LRP1B: variants seen among roughly 807,000 people sequenced by gnomAD.
LRP1B encodes low-density lipoprotein receptor-related protein 1B.
In LRP1B, 217 loss-of-function variants were observed where a neutral mutation model predicts 556.6. That is an observed-to-expected ratio of 0.39 (90% confidence interval 0.35 to 0.44). The LOEUF (loss-of-function observed/expected upper bound fraction) is 0.44. Ranked by LOEUF, LRP1B falls within the 20% of genes least tolerant of loss-of-function variation. LRP1B has a pLI of 1.00. For missense variants in LRP1B, 5,053 were observed against 5,620.8 expected, an observed-to-expected ratio of 0.90 and a Z score of 3.23; for synonymous variants, 2,047 against 1,865.8, an observed-to-expected ratio of 1.10 and a Z score of -2.50.
At chr2:141,021,418 T>C (rs1698060660) in intron 11 of LRP1B, among the ~76,000 whole-genome samples, 1 of 152,028 alleles carries the variant, frequency 6.6e-6, no homozygotes, top group South Asian at 2.1e-4. Flanking sequence ...AGCTATCTGC[T>C]TCATTACCAT....
intron 3 of LRP1B, among the ~76,000 whole-genome samples, chr2:141,373,566 T>C (rs1689314096): frequency 6.6e-6 from 1 of 151,302 alleles, no homozygotes; most frequent in South Asian, 2.1e-4. Context: ...ATCCTTTTAA[T>C]AAATTGATCC....
At chr2:141,586,223 C>T (rs1479969173) in intron 2 of LRP1B, among the ~76,000 whole-genome samples, 1 of 152,038 alleles carries the variant, frequency 6.6e-6, no homozygotes, top group Admixed American at 6.6e-5. Flanking sequence ...TTTCATAGTG[C>T]AAACATATAT....
chr2:140,479,218 C>CT (rs892617744), intron 59 of LRP1B, among the ~76,000 whole-genome samples: 3 of 151,488 alleles, frequency 2.0e-5, no homozygotes, highest in Admixed American at 6.6e-5. Flanking sequence ...TATTGCTATA[C>CT]TTTTTTTTTC....
chr2:140,794,971 T>A (rs1690254003), intron 32 of LRP1B, among the ~76,000 whole-genome samples: 1 of 152,222 alleles, frequency 6.6e-6, no homozygotes. Context: ...AATGGAACTA[T>A]AAGAAATAGT....
intron 2 of LRP1B, among the ~76,000 whole-genome samples, chr2:141,619,703 G>A (rs769622913): frequency 1.2e-4 from 18 of 152,222 alleles, no homozygotes; most frequent in African/African-American, 2.9e-4. Context: ...AAACAGCAAC[G>A]TCTCTTTAGA....
intron 82 of LRP1B, among the ~76,000 whole-genome samples, chr2:140,316,735 GA>G (rs113572937): frequency 5.6e-4 from 85 of 151,422 alleles, no homozygotes; most frequent in African/African-American, 1.6e-3. Flanking sequence ...TAAGAAATGG[GA>G]AAAAAAATAT....
intron 59 of LRP1B, among the ~76,000 whole-genome samples, chr2:140,481,452 C>T (rs1017309528): frequency 6.6e-6 from 1 of 151,928 alleles, no homozygotes; most frequent in Non-Finnish European, 1.5e-5. Context: ...CCTATCTAAA[C>T]TATAAGGAAA....
intron 49 of LRP1B, among the ~76,000 whole-genome samples, chr2:140,518,148 TATTTTAAGATAA>T (rs1275466106): frequency 6.6e-6 from 1 of 152,204 alleles, no homozygotes; most frequent in East Asian, 1.9e-4. Flanking sequence ...CTATTATGGC[TATTTTAAGATAA>T]CAAAAATTGT....
rs55884730 is a variant in LRP1B at position 140,672,482 on chromosome 2, T to TAAAAA, written c.6799+27763_6799+27767dup. 6.4e-3 allele frequency among the ~76,000 whole-genome samples: 525 copies of TAAAAA among 81,560 alleles called. 22 individuals carry two copies. The East Asian group carries it at 0.11, about 17-fold the overall frequency. The allele number at this position is 81,560 out of a possible 152,430, so 53.5% of individuals were successfully genotyped here. Reference sequence around the variant, plus strand: ...CTGGGTGACAGAATGAGACTCCATCTAAAAAAAAAAAAAAAAAAAAAAAAA... The same window carrying TAAAAA: ...CTGGGTGACAGAATGAGACTCCATCTAAAAAAAAAAAAAAAAAAAAAAAAAAAAAA... On this transcript the variant is annotated intron_variant, in intron 41 of 90. Transcript: ENST00000389484.
chr2:141,936,054 G>T (rs564898403), intron 1 of LRP1B, among the ~76,000 whole-genome samples: 1 of 152,048 alleles, frequency 6.6e-6, no homozygotes, highest in Non-Finnish European at 1.5e-5. Context: ...AGCAAAAAAA[G>T]GAGTGGAAAG....
Position 141,890,327 on chromosome 2 carries a change from T to TATATATATAC in LRP1B, c.83-79927_83-79926insGTATATATAT, listed in dbSNP as rs1553480457. Reference sequence around the variant, plus strand: ...GTCACAGGTAAGGGCACAATACATATATATATATATATATATATATATATG... The same window carrying TATATATATAC: ...GTCACAGGTAAGGGCACAATACATATATATATATACATATATATATATATATATATATATG... On this transcript the variant is annotated intron_variant, in intron 1 of 90. Coordinates refer to ENST00000389484, the MANE Select transcript of LRP1B (RefSeq NM_018557.3). Among the ~76,000 whole-genome samples, 12 of 47,580 alleles carry TATATATATAC rather than the reference T, an allele frequency of 2.5e-4. 1 individual carries two copies. The East Asian group carries it at 7.1e-3, about 28-fold the overall frequency. The allele number at this position is 47,580 out of a possible 152,430, so 31.2% of individuals were successfully genotyped here. A position where few individuals can be genotyped will look rare whatever the true frequency, so the allele number is the denominator to read the frequency against.
intron 63 of LRP1B, 57 bp downstream of exon 63, chr2:140,450,511 G>C: frequency 7.6e-7 from 1 of 1,317,908 alleles, no homozygotes; most frequent in South Asian, 1.2e-5. Context: ...CAATTTTCCA[G>C]GTCTGGGATA....
At chr2:141,716,349 T>G in intron 2 of LRP1B, among the ~76,000 whole-genome samples, 1 of 152,222 alleles carries the variant, frequency 6.6e-6, no homozygotes, top group East Asian at 1.9e-4. Context: ...TTAGCAAGCA[T>G]TATACTTTAT....
chr2:140,923,148 C>T lies in LRP1B; in HGVS notation c.3137-1G>A. The stretch of plus-strand genomic sequence containing the variant: ...TTACAACCAGCAGGAGAATGAATCT[C>T]TTAATTTGAAATGAGGAAGAGAGAA... On this transcript the variant is annotated splice_acceptor_variant, in intron 20 of 90. Transcript: ENST00000389484. LOFTEE classifies it high-confidence loss of function. The T allele has an allele frequency of 6.2e-7, 1 of 1,609,842 alleles. No individual in the cohort carries two copies. Among genetic ancestry groups the T allele is most frequent in the Non-Finnish European group, 8.5e-7 (1 of 1,177,614 alleles).
At chr2:141,463,434 C>A (rs115729685) in intron 3 of LRP1B, among the ~76,000 whole-genome samples, 1,856 of 149,302 alleles carry the variant, frequency 0.012, 35 homozygotes, top group African/African-American at 0.042. Context: ...CATTGTGTAC[C>A]AAATAACCTT....
intron 2 of LRP1B, among the ~76,000 whole-genome samples, chr2:141,729,436 C>A (rs1056311156): frequency 3.3e-5 from 5 of 152,134 alleles, no homozygotes; most frequent in Non-Finnish European, 5.9e-5. Flanking sequence ...TCACATTTTA[C>A]CAAGGAGAGC....
At chr2:140,640,016 T>A (rs551620751) in intron 41 of LRP1B, among the ~76,000 whole-genome samples, 1 of 152,300 alleles carries the variant, frequency 6.6e-6, no homozygotes, top group African/African-American at 2.4e-5. Context: ...TTTGTTTGTT[T>A]TTTTAAGACA....
rs78278364 is a variant in LRP1B, at chr2:141,768,048, T to C, written c.205+42231A>G. The stretch of plus-strand genomic sequence containing the variant: ...GATCTTCTTGAGATGCTTATCCCAG[T>C]ATATTATGAAAGCTAGTTGTAAATA... On this transcript the variant is annotated intron_variant, in intron 2 of 90. Transcript: ENST00000389484. Among the ~76,000 whole-genome samples the C allele has an allele frequency of 1.2e-3, 182 of 152,258 alleles. No individual in the cohort carries two copies. In the East Asian group the frequency reaches 0.024, roughly 20 times the overall value.
chr2:141,551,120 T>G (rs143816253), intron 2 of LRP1B, among the ~76,000 whole-genome samples: 1,994 of 152,144 alleles, frequency 0.013, 23 homozygotes, highest in Non-Finnish European at 0.02. Flanking sequence ...AGTAACTCTG[T>G]GCAAAGATTA....
Sources: allele counts gnomAD v4.1 joint callset (sites outside exome capture counted in the v4.1 genomes callset), GRCh38; gene constraint gnomAD v4.1.1; transcripts MANE v1.5; gene names NCBI Gene and HGNC (gene_info 2026-07-23, HGNC 2026-07-21).